SLC8A1: variants seen among roughly 807,000 people sequenced by gnomAD.
SLC8A1 encodes the protein sodium/calcium exchanger 1.
Under a neutral mutation model 68.3 loss-of-function variants are expected in SLC8A1, and 18 were observed. The observed-to-expected ratio is 0.26, with a 90% CI of 0.18 to 0.39. The LOEUF is 0.39. SLC8A1 is among the 10% of genes least tolerant of loss of function. The pLI, the probability that SLC8A1 is intolerant of heterozygous loss-of-function variation, is 1.00. For synonymous variants in SLC8A1, 475 were observed against 415.5 expected, an observed-to-expected ratio of 1.14 and a Z score of -1.74; for missense variants, 985 against 1,156.7, an observed-to-expected ratio of 0.85 and a Z score of 2.15.
intron 2 of SLC8A1, among the ~76,000 whole-genome samples, chr2:40,309,306 A>G (rs1240393726): frequency 6.6e-6 from 1 of 152,072 alleles, no homozygotes; most frequent in Non-Finnish European, 1.5e-5. Flanking sequence ...TGTTGCTGCT[A>G]TCTCTACAGT....
chr2:40,302,096 C>A lies in SLC8A1; in HGVS notation c.1809-124241G>T, dbSNP rs1364387033. ...GTGTTTAGTAGAGAAGGGGTTTCGC[C>A]GTGATGGCCAGGCTAGTCTTGAACT... On this transcript the variant is annotated intron_variant, in intron 2 of 7. Transcript: ENST00000406785. Among the ~76,000 whole-genome samples, 6 of 129,756 alleles carry A rather than the reference C, an allele frequency of 4.6e-5. No homozygotes were observed. The East Asian group carries it at 1.4e-3, about 29-fold the overall frequency. 85.1% of individuals were successfully genotyped at this position (129,756 alleles called of 152,430 possible). A position where few individuals can be genotyped will look rare whatever the true frequency, so the allele number is the denominator to read the frequency against.
chr2:40,429,181 T>C (rs1412799265), exon 2 of SLC8A1: 1 of 1,613,608 alleles, frequency 6.2e-7, no homozygotes. Context: ...GCGAGTAGCT[T>C]GAATGCGATA....
chr2:40,390,075 T>C (rs1034568259), intron 2 of SLC8A1, among the ~76,000 whole-genome samples: 3 of 152,012 alleles, frequency 2.0e-5, no homozygotes, highest in Non-Finnish European at 4.4e-5. Flanking sequence ...TATGTTGTAA[T>C]GTATTATTAG....
chr2:40,276,791 C>T (rs2066751820), intron 2 of SLC8A1, among the ~76,000 whole-genome samples: 1 of 152,124 alleles, frequency 6.6e-6, no homozygotes, highest in Non-Finnish European at 1.5e-5. Context: ...TTCTTTATTT[C>T]TCTGCTTTTA....
chr2:40,398,595 A>G (rs1047971028), intron 2 of SLC8A1, among the ~76,000 whole-genome samples: 1 of 152,246 alleles, frequency 6.6e-6, no homozygotes, highest in Non-Finnish European at 1.5e-5. Flanking sequence ...ATTTTTATAA[A>G]AATGCAATCA....
intron 3 of SLC8A1, among the ~76,000 whole-genome samples, chr2:40,176,935 A>C (rs1341738927): frequency 6.6e-6 from 1 of 152,192 alleles, no homozygotes; most frequent in Non-Finnish European, 1.5e-5. Context: ...AGAATAAAAA[A>C]TCCTCTGTAA....
At chr2:40,412,495 G>A (rs1267286685) in intron 2 of SLC8A1, among the ~76,000 whole-genome samples, 1 of 152,090 alleles carries the variant, frequency 6.6e-6, no homozygotes, top group Non-Finnish European at 1.5e-5. Context: ...CACTACCTTG[G>A]AGTGGGCATA....
intron 2 of SLC8A1, among the ~76,000 whole-genome samples, chr2:40,189,467 C>T (rs1416949028): frequency 6.6e-6 from 1 of 152,094 alleles, no homozygotes; most frequent in African/African-American, 2.4e-5. Flanking sequence ...ACTACAGAAG[C>T]ATGCCACCGC....
In SLC8A1 at chr2:40,319,226, A is replaced by G. The variant is rs370754164; in HGVS notation, c.1808+109247T>C. On this transcript the variant is annotated intron_variant, in intron 2 of 7. Coordinates refer to ENST00000406785, the Ensembl canonical transcript of SLC8A1. ...AATGAGAATTTCCAGTTTCCTAAATAGAACACTTAACAAGTGTTCGTGAAG... is the reference window on the plus strand; with the variant it reads ...AATGAGAATTTCCAGTTTCCTAAATGGAACACTTAACAAGTGTTCGTGAAG... 8.1e-4 allele frequency among the ~76,000 whole-genome samples: 124 copies of G among 152,216 alleles called. 1 individual carries two copies. The highest frequency in any genetic ancestry group is 2.9e-3 in the African/African-American group (122 of 41,570).
intron 2 of SLC8A1, among the ~76,000 whole-genome samples, chr2:40,222,769 G>T (rs894456686): frequency 5.3e-5 from 8 of 152,162 alleles, no homozygotes; most frequent in Admixed American, 1.3e-4. Flanking sequence ...ATGAAAAAAA[G>T]CTCATCATCA....
intron 2 of SLC8A1, among the ~76,000 whole-genome samples, chr2:40,313,048 A>G (rs1315291354): frequency 1.3e-5 from 2 of 152,084 alleles, no homozygotes; most frequent in Admixed American, 1.3e-4. Context: ...CCTTTGCCAT[A>G]ATCAAGGTAA....
chr2:40,380,646 G>C (rs749286994), intron 2 of SLC8A1, among the ~76,000 whole-genome samples: 2 of 151,972 alleles, frequency 1.3e-5, no homozygotes, highest in Non-Finnish European at 2.9e-5. Flanking sequence ...AGTAGCTTAC[G>C]GCAAGTGATG....
chr2:40,187,929 A>G lies in SLC8A1; in HGVS notation c.1809-10074T>C, dbSNP rs141351534. On this transcript the variant is annotated intron_variant, in intron 2 of 7. Transcript: ENST00000406785. Reference sequence around the variant, plus strand: ...TGATATATAAAATGTATACCTTACCATTGCCTCACTCTTCTGCAGTTGATA... The same window carrying G: ...TGATATATAAAATGTATACCTTACCGTTGCCTCACTCTTCTGCAGTTGATA... Among the ~76,000 whole-genome samples the G allele has an allele frequency of 8.5e-4, 129 of 152,280 alleles. 2 individuals carry two copies. The highest frequency in any genetic ancestry group is 1.3e-4 in the Non-Finnish European group (9 of 68,030).
At chr2:40,284,777 C>T (rs1481894278) in intron 2 of SLC8A1, among the ~76,000 whole-genome samples, 2 of 151,752 alleles carry the variant, frequency 1.3e-5, no homozygotes, top group Non-Finnish European at 2.9e-5. Flanking sequence ...TTAGAAATGT[C>T]ATCCGTGCAA....
At position 40,214,637 on chromosome 2, in the gene SLC8A1, C is replaced by T. The variant is rs190633708; in HGVS notation, c.1809-36782G>A. 2.3e-3 allele frequency among the ~76,000 whole-genome samples: 351 copies of T among 151,552 alleles called. 4 individuals carry two copies. The highest frequency in any genetic ancestry group is 8.1e-3 in the African/African-American group (333 of 41,278). On this transcript the variant is annotated intron_variant, in intron 2 of 7. Transcript: ENST00000406785. ...TTTTTTTTTGTATTTTTAGTAGACA[C>T]GGGGTTTCGCCAGGCTGGTCTCGAA...
rs1678635802 is a variant in SLC8A1, at chr2:40,373,012, T to G, written c.1808+55461A>C. ...AGCAGCCTTGCAATCCCCGTCAAAA[T>G]GTACCCAACCAACTTAAGGGGGAAA... On this transcript the variant is annotated intron_variant, in intron 2 of 7. Transcript: ENST00000406785. Among the ~76,000 whole-genome samples, 7 of 149,714 alleles carry G rather than the reference T, an allele frequency of 4.7e-5. No individual in the cohort carries two copies. In the South Asian group the frequency reaches 1.5e-3, roughly 32 times the overall value.
chr2:40,396,748 TAAAAAA>T (rs368483768), intron 2 of SLC8A1, among the ~76,000 whole-genome samples: 2,227 of 86,862 alleles, frequency 0.026, 7 homozygotes, highest in Non-Finnish European at 0.033. Flanking sequence ...CTCTAATAAC[TAAAAAA>T]AAAAAAAAAA....
At chr2:40,432,825 G>A (rs1030937829) in intron 1 of SLC8A1, among the ~76,000 whole-genome samples, 1 of 151,988 alleles carries the variant, frequency 6.6e-6, no homozygotes, top group Non-Finnish European at 1.5e-5. Context: ...AAAGACTGAA[G>A]GGGCAAGGGT....
intron 6 of SLC8A1, among the ~76,000 whole-genome samples, chr2:40,154,980 A>G (rs2044197402): frequency 6.6e-6 from 1 of 152,140 alleles, no homozygotes; most frequent in Non-Finnish European, 1.5e-5. Context: ...CAGTCAACAT[A>G]TGATTTTAGA....
Sources: gnomAD v4.1 joint callset for allele counts (sites outside exome capture counted in the v4.1 genomes callset) on GRCh38, gnomAD v4.1.1 for gene constraint, MANE v1.5 for transcripts, NCBI Gene and HGNC (gene_info 2026-07-23, HGNC 2026-07-21) for gene names.